The following TRIM67 variants were observed in gnomAD, a reference collection of about 807,000 sequenced individuals.
The protein encoded by TRIM67 is tripartite motif containing 67, also known as tripartite motif-containing protein 67.
In TRIM67, 39 loss-of-function variants were observed where a neutral mutation model predicts 71.0. The ratio of observed to expected loss-of-function variants is 0.55; its 90% CI spans 0.43 to 0.72. The LOEUF is 0.72. Among genes scored for constraint, TRIM67 ranks in the 30% least tolerant of loss-of-function variants. The pLI is 0.00. For missense variants in TRIM67, 973 were observed against 1,079.2 expected, an observed-to-expected ratio of 0.90 and a Z score of 1.38; for synonymous variants, 481 against 473.9, an observed-to-expected ratio of 1.01 and a Z score of -0.19.
At chr1:231,182,600 C>T (rs1437474998) in intron 1 of TRIM67, among the ~76,000 whole-genome samples, 1 of 152,080 alleles carries the variant, frequency 6.6e-6, no homozygotes, top group Non-Finnish European at 1.5e-5. Flanking sequence ...GGAAAGGGCA[C>T]ATCCAGCAGA....
chr1:231,212,395 G>A (rs913712704), intron 8 of TRIM67, among the ~76,000 whole-genome samples: 1 of 152,166 alleles, frequency 6.6e-6, no homozygotes, highest in Non-Finnish European at 1.5e-5. Flanking sequence ...GAAATGCTGA[G>A]GATCTGTTTA....
In TRIM67 at chr1:231,200,200, G is replaced by C. The variant is rs1469214165; in HGVS notation, c.1316G>C (p.Gly439Ala). ...HCTLKLRQST[G>A]LMEYCLEVIK... ...ACATTGAAGCTGCGTCAGTCCACCG[G>C]ACTGATGGAGTACTGCCTGGAGGTG... Residue 439 changes from glycine to alanine, a missense_variant, in exon 4 of 10, where the codon GGA (glycine) becomes GCA (alanine). Transcript: ENST00000366653. The C allele has an allele frequency of 6.2e-7, 1 of 1,613,936 alleles. No homozygotes were observed.
At position 231,209,235 on chromosome 1, in the gene TRIM67, A is replaced by G; in HGVS notation, c.2108A>G (p.Asn703Ser). The change falls in exon 8 of 10, where the codon AAC becomes AGC. Residue 703 changes from asparagine to serine, a missense_variant. By Grantham distance (46) the Asn-to-Ser change is conservative. Transcript: ENST00000366653. The surrounding 1 kb of genome is among the most constrained non-coding windows in gnomAD (Gnocchi z 4.1). ...AACCGCAGCTGGTTCATGCACTGCA[A>G]CTCCCACACCAACAGGTGCGATTGG... ...DNNRSWFMHC[N>S]SHTNRTEGGV... The G allele has an allele frequency of 6.4e-7, 1 of 1,552,180 alleles. No homozygotes were observed. Among genetic ancestry groups the G allele is most frequent in the Non-Finnish European group, 8.7e-7 (1 of 1,143,298 alleles).
At chr1:231,179,395 T>G (rs535319123) in intron 1 of TRIM67, among the ~76,000 whole-genome samples, 25 of 152,358 alleles carry the variant, frequency 1.6e-4, no homozygotes, top group African/African-American at 6.0e-4. Flanking sequence ...AATGGCCCTA[T>G]TGGCAAACAA....
chr1:231,169,368 C>CTTTTTTTTTTTT, intron 1 of TRIM67, among the ~76,000 whole-genome samples: 1 of 81,660 alleles, frequency 1.2e-5, no homozygotes, highest in Non-Finnish European at 2.3e-5. Context: ...ATTCTTTTCT[C>CTTTTTTTTTTTT]TTTTTTTTTT....
intron 5 of TRIM67, among the ~76,000 whole-genome samples, chr1:231,202,042 AGG>A (rs1203910736): frequency 2.2e-4 from 33 of 152,222 alleles, no homozygotes; most frequent in Middle Eastern, 3.4e-3. Context: ...GAGGAGGTGG[AGG>A]AGGTAGTCAT....
chr1:231,201,831 A>C (rs1395502760), intron 5 of TRIM67, among the ~76,000 whole-genome samples: 1 of 152,260 alleles, frequency 6.6e-6, no homozygotes, highest in African/African-American at 2.4e-5. Context: ...GCACTATTCC[A>C]CATGCTCAAG....
rs187963986 is a variant in TRIM67, at chr1:231,177,200, C to T, written c.1044+13187C>T. ...AACCATCCTTAGGTATGAATGAGCACGGAGCAGAGACTAGAGAGATGGGAG... is the reference window on the plus strand; with the variant it reads ...AACCATCCTTAGGTATGAATGAGCATGGAGCAGAGACTAGAGAGATGGGAG... On this transcript the variant is annotated intron_variant, in intron 1 of 9. Coordinates refer to ENST00000366653, the MANE Select transcript of TRIM67 (RefSeq NM_001004342.5). Among the ~76,000 whole-genome samples, 33 of 152,182 alleles carry T rather than the reference C, an allele frequency of 2.2e-4. No individual in the cohort carries two copies. In the East Asian group the frequency reaches 5.0e-3, roughly 23 times the overall value.
rs763733125 is a variant in TRIM67 at position 231,200,252 on chromosome 1, C to G, written c.1368C>G (p.Phe456Leu). Reference protein sequence around the residue: ...EVIKENDPSGFLQISDALIKR... With the variant: ...EVIKENDPSGLLQISDALIKR... Reference sequence around the variant, plus strand: ...TCAAGGAGAACGACCCCTCCGGGTTCTTACAGGTGAGCCTGTCCCTGGAAG... The same window carrying G: ...TCAAGGAGAACGACCCCTCCGGGTTGTTACAGGTGAGCCTGTCCCTGGAAG... Residue 456 changes from phenylalanine to leucine, a missense_variant, in exon 4 of 10, where the codon TTC (phenylalanine) becomes TTG (leucine). Physicochemically the swap from Phe to Leu is conservative, Grantham distance 22. Coordinates refer to ENST00000366653, the MANE Select transcript of TRIM67 (RefSeq NM_001004342.5). 13 of 1,610,318 alleles carry G rather than the reference C, an allele frequency of 8.1e-6. No individual in the cohort carries two copies. The highest frequency in any genetic ancestry group is 1.1e-5 in the Non-Finnish European group (13 of 1,176,670).
rs1368583305 is a variant in TRIM67, at chr1:231,216,156, TTC to T, written c.*722_*723del. 1 of 957,524 alleles carries T rather than the reference TTC, an allele frequency of 1.0e-6. No individual in the cohort carries two copies. The highest frequency in any genetic ancestry group is 1.8e-5 in the African/African-American group (1 of 55,998). The allele number at this position is 957,524 out of a possible 1,614,324, so 59.3% of individuals were successfully genotyped here. The stretch of plus-strand genomic sequence containing the variant: ...ATTTCTTCTCCCTCCCTCCTTCTCT[TTC>T]TCTCTTCTTCTCTCTCTCCTTCCTT... On this transcript the variant is annotated 3_prime_UTR_variant, in exon 10 of 10. Coordinates refer to ENST00000366653, the MANE Select transcript of TRIM67 (RefSeq NM_001004342.5).
At chr1:231,210,938 T>C (rs1683849770) in intron 8 of TRIM67, among the ~76,000 whole-genome samples, 1 of 145,936 alleles carries the variant, frequency 6.9e-6, no homozygotes, top group Non-Finnish European at 1.5e-5. Flanking sequence ...TTTCAGCTAC[T>C]TGGGAGGCCG....
chr1:231,197,239 C>A, intron 1 of TRIM67, 132 bp from the exon 2 acceptor site: 2 of 664,240 alleles, frequency 3.0e-6, no homozygotes, highest in Non-Finnish European at 5.2e-6. Flanking sequence ...GTGGTCCCTT[C>A]ATCAATGAGA....
intron 1 of TRIM67, among the ~76,000 whole-genome samples, chr1:231,180,357 T>C (rs186068083): frequency 6.6e-6 from 1 of 152,356 alleles, no homozygotes; most frequent in African/African-American, 2.4e-5. Context: ...CTCTTTAAGA[T>C]AAAGTTCTAT....
intron 1 of TRIM67, among the ~76,000 whole-genome samples, chr1:231,196,330 G>A (rs1683371331): frequency 6.6e-6 from 1 of 152,096 alleles, no homozygotes; most frequent in East Asian, 1.9e-4. Flanking sequence ...CAGTCTGGAT[G>A]GGCGTGATGG....
intron 1 of TRIM67, among the ~76,000 whole-genome samples, chr1:231,169,056 TTTTTTTA>T (rs138277077): frequency 0.078 from 11,847 of 152,150 alleles, 611 homozygotes; most frequent in East Asian, 0.25. Context: ...CCTAGATATT[TTTTTTTA>T]TTTTTATTTG....
In TRIM67 at chr1:231,162,828, C is replaced by G. The variant is rs1682324451; in HGVS notation, c.-142C>G. ...ACAGGACAGAGAGAGGGGCGTGCCC[C>G]TCGGCTGTGAAGTGGGCATGCCCGT... On this transcript the variant is annotated 5_prime_UTR_variant, in exon 1 of 10. Coordinates refer to ENST00000366653, the MANE Select transcript of TRIM67 (RefSeq NM_001004342.5). 9.1e-7 allele frequency: 1 copy of G among 1,099,838 alleles called. No individual in the cohort carries two copies. Among genetic ancestry groups the G allele is most frequent in the South Asian group, 1.6e-5 (1 of 63,282 alleles). 68.1% of individuals were successfully genotyped at this position (1,099,838 alleles called of 1,614,324 possible).
At chr1:231,191,684 G>T (rs1383608469) in intron 1 of TRIM67, among the ~76,000 whole-genome samples, 1 of 152,208 alleles carries the variant, frequency 6.6e-6, no homozygotes, top group Non-Finnish European at 1.5e-5. Context: ...TAAAAAGCGG[G>T]TCAGTCCTCA....
intron 5 of TRIM67, 101 bp from the exon 6 acceptor site, chr1:231,203,766 G>C: frequency 6.9e-7 from 1 of 1,445,478 alleles, no homozygotes; most frequent in Non-Finnish European, 9.3e-7. Flanking sequence ...TAGCCTGGCT[G>C]TCCTCTGGAG....
chr1:231,218,885 C>T lies in TRIM67; in HGVS notation c.*3445C>T, dbSNP rs1428300261. ...GCCCTTTCTCTCCCTCTTGGTGCCCCTGCCCTCCGCCCCACCACAGCACTC... is the reference window on the plus strand; with the variant it reads ...GCCCTTTCTCTCCCTCTTGGTGCCCTTGCCCTCCGCCCCACCACAGCACTC... On this transcript the variant is annotated 3_prime_UTR_variant, in exon 10 of 10. Transcript: ENST00000366653. 2 of 985,464 alleles carry T rather than the reference C, an allele frequency of 2.0e-6. No homozygotes were observed. Among genetic ancestry groups the T allele is most frequent in the Middle Eastern group, 5.1e-4 (1 of 1,942 alleles). 61.0% of individuals were successfully genotyped at this position (985,464 alleles called of 1,614,324 possible). A position where few individuals can be genotyped will look rare whatever the true frequency, so the allele number is the denominator to read the frequency against.
Sources: allele counts gnomAD v4.1 joint callset (sites outside exome capture counted in the v4.1 genomes callset), GRCh38; gene constraint gnomAD v4.1.1; non-coding constraint Gnocchi (gnomAD v3.1); transcripts MANE v1.5; gene names NCBI Gene and HGNC (gene_info 2026-07-23, HGNC 2026-07-21).